ZCCHC3: variants seen among roughly 807,000 people sequenced by gnomAD.
The protein encoded by ZCCHC3 is zinc finger CCHC domain-containing protein 3.
Under a neutral mutation model 18.4 loss-of-function variants are expected in ZCCHC3, and 20 were observed. The ratio of observed to expected loss-of-function variants is 1.09; its 90% CI spans 0.76 to 1.58. The LOEUF is 1.58. Ranked by LOEUF, ZCCHC3 falls within the 40% of genes most tolerant of loss-of-function variation. The pLI, the probability that ZCCHC3 is intolerant of heterozygous loss-of-function variation, is 0.00. For missense variants in ZCCHC3, 548 were observed against 511.2 expected, an observed-to-expected ratio of 1.07 and a Z score of -0.69; for synonymous variants, 310 against 232.7, an observed-to-expected ratio of 1.33 and a Z score of -3.02.
chr20:297,657 C>A lies in ZCCHC3; in HGVS notation c.71C>A (p.Pro24His). ...CCGCAGCTTCTGCCCCCCGCGCGGC[C>A]CGCGGCCCGGGGCGAGGAGGCCGAC... ...GRPQLLPPARPAARGEEADGG... is the reference protein window; with the variant it reads ...GRPQLLPPARHAARGEEADGG... Residue 24 changes from proline (P) to histidine (H), a missense_variant, in exon 1 of 1, where the codon CCC becomes CAC. Transcript: ENST00000500893. 1 of 1,369,494 alleles carries A rather than the reference C, an allele frequency of 7.3e-7. No homozygotes were observed. Among genetic ancestry groups the A allele is most frequent in the Non-Finnish European group, 9.4e-7 (1 of 1,060,126 alleles). 84.8% of individuals were successfully genotyped at this position (1,369,494 alleles called of 1,614,324 possible). A position where few individuals can be genotyped will look rare whatever the true frequency, so the allele number is the denominator to read the frequency against.
rs751868109 is a variant in ZCCHC3 at position 297,769 on chromosome 20, G to A, written c.183G>A (p.Arg61=). The part of the protein sequence containing the change: ...KGEFREPRPP[R]REEESGGGGG... The stretch of plus-strand genomic sequence containing the variant: ...AATTCCGCGAGCCGCGGCCGCCGCG[G>A]CGGGAGGAGGAAAGCGGCGGCGGTG... The change falls in exon 1 of 1, where the codon CGG becomes CGA. Residue 61 remains arginine, a synonymous_variant. Coordinates refer to ENST00000500893, the MANE Select transcript of ZCCHC3 (RefSeq NM_033089.7). 2.9e-6 allele frequency: 4 copies of A among 1,378,830 alleles called. No homozygotes were observed. Among genetic ancestry groups the A allele is most frequent in the Non-Finnish European group, 3.8e-6 (4 of 1,061,112 alleles). 85.4% of individuals were successfully genotyped at this position (1,378,830 alleles called of 1,614,324 possible).
In ZCCHC3 at chr20:297,730, C is replaced by A; in HGVS notation, c.144C>A (p.Ala48=). The part of the protein sequence containing the change: ...MGWAQVVKNL[A]EKKGEFREPR... ...GGGCCCAGGTGGTGAAGAATCTAGCCGAGAAGAAGGGCGAATTCCGCGAGC... is the reference window on the plus strand; with the variant it reads ...GGGCCCAGGTGGTGAAGAATCTAGCAGAGAAGAAGGGCGAATTCCGCGAGC... Residue 48 remains alanine, a synonymous_variant, in exon 1 of 1, where the codon GCC becomes GCA. Coordinates refer to ENST00000500893, the MANE Select transcript of ZCCHC3 (RefSeq NM_033089.7). 1 of 1,377,014 alleles carries A rather than the reference C, an allele frequency of 7.3e-7. No individual in the cohort carries two copies. The highest frequency in any genetic ancestry group is 9.4e-7 in the Non-Finnish European group (1 of 1,060,912). 85.3% of individuals were successfully genotyped at this position (1,377,014 alleles called of 1,614,324 possible).
chr20:297,652 G>A lies in ZCCHC3; in HGVS notation c.66G>A (p.Ala22=), dbSNP rs1172832172. The change falls in exon 1 of 1, where the codon GCG becomes GCA. Residue 22 remains alanine (A), a synonymous_variant. Transcript: ENST00000500893. ...GGCGGCCGCAGCTTCTGCCCCCCGC[G>A]CGGCCCGCGGCCCGGGGCGAGGAGG... ...KRGRPQLLPP[A]RPAARGEEAD... 14 of 1,369,258 alleles carry A rather than the reference G, an allele frequency of 1.0e-5. No individual in the cohort carries two copies. Among genetic ancestry groups the A allele is most frequent in the African/African-American group, 1.5e-5 (1 of 65,068 alleles). The allele number at this position is 1,369,258 out of a possible 1,614,324, so 84.8% of individuals were successfully genotyped here. A position where few individuals can be genotyped will look rare whatever the true frequency, so the allele number is the denominator to read the frequency against.
chr20:297,718 GA>G lies in ZCCHC3; in HGVS notation c.134del (p.Lys45ArgfsTer3). On this transcript the variant is annotated frameshift_variant, in exon 1 of 1. Transcript: ENST00000500893. LOFTEE classifies it high-confidence loss of function. ...REKMGWAQVV[K>X]NLAEKKGEFR... ...AGAAGATGGGCTGGGCCCAGGTGGT[GA>G]AGAATCTAGCCGAGAAGAAGGGCGA... 1 of 1,379,812 alleles carries G rather than the reference GA, an allele frequency of 7.2e-7. No individual in the cohort carries two copies. The highest frequency in any genetic ancestry group is 1.7e-5 in the South Asian group (1 of 59,446). The allele number at this position is 1,379,812 out of a possible 1,614,324, so 85.5% of individuals were successfully genotyped here. A position where few individuals can be genotyped will look rare whatever the true frequency, so the allele number is the denominator to read the frequency against.
rs989508226 is a variant in ZCCHC3, at chr20:297,952, G to A, written c.366G>A (p.Arg122=). ...AGAAGGGCGCTGCGGAGGCGGGCAG[G>A]AGGAAGAAGGCCGAGGCGGCGGCGG... is the stretch of plus-strand genomic sequence containing the variant. ...RKKKGAAEAG[R]RKKAEAAAAA... The change falls in exon 1 of 1, where the codon AGG becomes AGA. Residue 122 remains arginine (R), a synonymous_variant. Transcript: ENST00000500893. The A allele has an allele frequency of 9.4e-5, 122 of 1,298,496 alleles. No individual in the cohort carries two copies. Among genetic ancestry groups the A allele is most frequent in the Middle Eastern group, 5.8e-4 (2 of 3,452 alleles). The allele number at this position is 1,298,496 out of a possible 1,614,324, so 80.4% of individuals were successfully genotyped here. A position where few individuals can be genotyped will look rare whatever the true frequency, so the allele number is the denominator to read the frequency against.
Position 298,190 on chromosome 20 carries a change from G to T in ZCCHC3, c.604G>T (p.Ala202Ser). Reference sequence around the variant, plus strand: ...CGGCATGGACCCGAGCGACATCTACGCGGTCATCCAGATCCCGGGCAGCCG... The same window carrying T: ...CGGCATGGACCCGAGCGACATCTACTCGGTCATCCAGATCCCGGGCAGCCG... ...SIGMDPSDIY[A>S]VIQIPGSREF... Residue 202 changes from alanine (A) to serine (S), a missense_variant, in exon 1 of 1, where the codon GCG becomes TCG. By Grantham distance (99) the Ala-to-Ser change is moderately conservative. Transcript: ENST00000500893. The T allele has an allele frequency of 7.2e-7, 1 of 1,386,940 alleles. No individual in the cohort carries two copies. 85.9% of individuals were successfully genotyped at this position (1,386,940 alleles called of 1,614,324 possible).
In ZCCHC3 at chr20:298,944, G is replaced by T; in HGVS notation, c.*146G>T. ...ATCTCTCTATGCCTTCTTAAACCGA[G>T]TTTACTCCATTTCAGCCTGTTCTGA... On this transcript the variant is annotated 3_prime_UTR_variant, in exon 1 of 1. Transcript: ENST00000500893. 65 of 750,932 alleles carry T rather than the reference G, an allele frequency of 8.7e-5. No homozygotes were observed. The highest frequency in any genetic ancestry group is 3.1e-4 in the East Asian group (8 of 25,946). 46.5% of individuals were successfully genotyped at this position (750,932 alleles called of 1,614,324 possible). A position where few individuals can be genotyped will look rare whatever the true frequency, so the allele number is the denominator to read the frequency against.
Position 299,474 on chromosome 20 carries a change from ATTTTTTATAG to A in ZCCHC3, c.*677_*686del, listed in dbSNP as rs1290931548. On this transcript the variant is annotated 3_prime_UTR_variant, in exon 1 of 1. Coordinates refer to ENST00000500893, the MANE Select transcript of ZCCHC3 (RefSeq NM_033089.7). ...CAGCTCTTTTGGTGGCTCAGAAGCC[ATTTTTTATAG>A]AATCATGGAATCTAGAATATTCCTG... 6.0e-6 allele frequency: 1 copy of A among 167,064 alleles called. No homozygotes were observed. The highest frequency in any genetic ancestry group is 1.5e-5 in the Non-Finnish European group (1 of 68,116). 10.3% of individuals were successfully genotyped at this position (167,064 alleles called of 1,614,324 possible).
In ZCCHC3 at chr20:298,570, C is replaced by A. The variant is rs751627163; in HGVS notation, c.984C>A (p.Tyr328Ter). 6.3e-6 allele frequency: 5 copies of A among 793,572 alleles called. No homozygotes were observed. The highest frequency in any genetic ancestry group is 1.4e-5 in the South Asian group (1 of 69,410). The allele number at this position is 793,572 out of a possible 1,614,324, so 49.2% of individuals were successfully genotyped here. ...GGGCCGAGAGGGGCTACAGCTGGTA[C>A]AAGGGGCAGCCCAAGACATGCTTTA... ...FLGAERGYSWYKGQPKTCFKC... is the reference protein window; with the variant it reads ...FLGAERGYSW Residue 328 changes from tyrosine to a stop codon, truncating the protein, a stop_gained, in exon 1 of 1, where the codon TAC becomes TAA. Coordinates refer to ENST00000500893, the MANE Select transcript of ZCCHC3 (RefSeq NM_033089.7). LOFTEE classifies it high-confidence loss of function.
chr20:299,769 C>G lies in ZCCHC3; in HGVS notation c.*971C>G, dbSNP rs542858627. 1 of 167,230 alleles carries G rather than the reference C, an allele frequency of 6.0e-6. No individual in the cohort carries two copies. Among genetic ancestry groups the G allele is most frequent in the Non-Finnish European group, 1.5e-5 (1 of 68,258 alleles). 10.4% of individuals were successfully genotyped at this position (167,230 alleles called of 1,614,324 possible). A position where few individuals can be genotyped will look rare whatever the true frequency, so the allele number is the denominator to read the frequency against. On this transcript the variant is annotated 3_prime_UTR_variant, in exon 1 of 1. Coordinates refer to ENST00000500893, the MANE Select transcript of ZCCHC3 (RefSeq NM_033089.7). ...GCCCAGAGGAATGCTGAGAAATCACCTGGAGGAGGGAGCAGAAAGAGAAGG... is the reference window on the plus strand; with the variant it reads ...GCCCAGAGGAATGCTGAGAAATCACGTGGAGGAGGGAGCAGAAAGAGAAGG...
In ZCCHC3 at chr20:300,012, C is replaced by T. The variant is rs1476200430; in HGVS notation, c.*1214C>T. On this transcript the variant is annotated 3_prime_UTR_variant, in exon 1 of 1. Coordinates refer to ENST00000500893, the MANE Select transcript of ZCCHC3 (RefSeq NM_033089.7). ...AAGGTTTACATTTGCACCTTAGCCT[C>T]AATAGCTACGAACCCTAGAGAAGCA... 1 of 167,092 alleles carries T rather than the reference C, an allele frequency of 6.0e-6. No individual in the cohort carries two copies. Among genetic ancestry groups the T allele is most frequent in the Non-Finnish European group, 1.5e-5 (1 of 68,118 alleles). 10.4% of individuals were successfully genotyped at this position (167,092 alleles called of 1,614,324 possible).
chr20:298,688 A>C lies in ZCCHC3; in HGVS notation c.1102A>C (p.Lys368Gln). The C allele has an allele frequency of 6.3e-7, 1 of 1,596,432 alleles. No homozygotes were observed. The highest frequency in any genetic ancestry group is 1.1e-5 in the South Asian group (1 of 90,470). Residue 368 changes from lysine to glutamine, a missense_variant, in exon 1 of 1, where the codon AAG (lysine) becomes CAG (glutamine). Physicochemically the swap from Lys to Gln is moderately conservative, Grantham distance 53. Transcript: ENST00000500893. ...GGGGCACCTGAGCCCTTACTGCCGG[A>C]AGGGCATCGTGTGCAACCTCTGTGG... is the stretch of plus-strand genomic sequence containing the variant. ...EEGHLSPYCRKGIVCNLCGKR... is the reference protein window; with the variant it reads ...EEGHLSPYCRQGIVCNLCGKR...
chr20:298,661 G>T lies in ZCCHC3; in HGVS notation c.1075G>T (p.Glu359Ter). The T allele has an allele frequency of 7.0e-7, 1 of 1,433,836 alleles. No homozygotes were observed. The highest frequency in any genetic ancestry group is 9.8e-7 in the Non-Finnish European group (1 of 1,015,588). 88.8% of individuals were successfully genotyped at this position (1,433,836 alleles called of 1,614,324 possible). Residue 359 changes from glutamate (E) to a stop codon, truncating the protein, a stop_gained, in exon 1 of 1, where the codon GAG becomes TAG. Transcript: ENST00000500893. LOFTEE classifies it high-confidence loss of function. Reference sequence around the variant, plus strand: ...GGACAGGTGCTTCAGGTGCGGGGAGGAGGGGCACCTGAGCCCTTACTGCCG... The same window carrying T: ...GGACAGGTGCTTCAGGTGCGGGGAGTAGGGGCACCTGAGCCCTTACTGCCG... ...TQDRCFRCGE[E>*]GHLSPYCRKG...
rs2012687104 is a variant in ZCCHC3, at chr20:298,551, A to AGAGGGGCTACAGCTGGTAC, written c.966_984dup (p.Lys329GlufsTer15). The AGAGGGGCTACAGCTGGTAC allele has an allele frequency of 1.3e-6, 1 of 763,918 alleles. No individual in the cohort carries two copies. Among genetic ancestry groups the AGAGGGGCTACAGCTGGTAC allele is most frequent in the African/African-American group, 1.7e-5 (1 of 58,880 alleles). 47.3% of individuals were successfully genotyped at this position (763,918 alleles called of 1,614,324 possible). On this transcript the variant is annotated frameshift_variant, in exon 1 of 1. Coordinates refer to ENST00000500893, the MANE Select transcript of ZCCHC3 (RefSeq NM_033089.7). LOFTEE classifies it high-confidence loss of function. ...CCAGGGGCCTTCTTCCTGGGGGCCG[A>AGAGGGGCTACAGCTGGTAC]GAGGGGCTACAGCTGGTACAAGGGG...
chr20:298,696 C>T lies in ZCCHC3; in HGVS notation c.1110C>T (p.Ile370=), dbSNP rs1287384449. The change falls in exon 1 of 1, where the codon ATC becomes ATT. Residue 370 remains isoleucine (I), a synonymous_variant. Transcript: ENST00000500893. ...GHLSPYCRKG[I]VCNLCGKRGH... is the part of the protein sequence containing the mutation. ...TGAGCCCTTACTGCCGGAAGGGCAT[C>T]GTGTGCAACCTCTGTGGCAAGCGAG... The T allele has an allele frequency of 6.2e-7, 1 of 1,603,668 alleles. No individual in the cohort carries two copies. The highest frequency in any genetic ancestry group is 1.3e-5 in the African/African-American group (1 of 74,718).
In ZCCHC3 at chr20:298,705, C is replaced by A. The variant is rs759250827; in HGVS notation, c.1119C>A (p.Asn373Lys). ...ACTGCCGGAAGGGCATCGTGTGCAA[C>A]CTCTGTGGCAAGCGAGGACACGCCT... ...SPYCRKGIVC[N>K]LCGKRGHAFA... Residue 373 changes from asparagine to lysine, a missense_variant, in exon 1 of 1, where the codon AAC (asparagine) becomes AAA (lysine). Asn to Lys is a moderately conservative substitution (Grantham distance 94). Transcript: ENST00000500893. 2.5e-6 allele frequency: 4 copies of A among 1,608,726 alleles called. No individual in the cohort carries two copies.
In ZCCHC3 at chr20:297,634, G is replaced by T; in HGVS notation, c.48G>T (p.Pro16=). The T allele has an allele frequency of 7.3e-7, 1 of 1,378,190 alleles. No individual in the cohort carries two copies. The highest frequency in any genetic ancestry group is 9.4e-7 in the Non-Finnish European group (1 of 1,063,626). 85.4% of individuals were successfully genotyped at this position (1,378,190 alleles called of 1,614,324 possible). Reference sequence around the variant, plus strand: ...AGGAAGAGAGGAAACGGGGGCGGCCGCAGCTTCTGCCCCCCGCGCGGCCCG... The same window carrying T: ...AGGAAGAGAGGAAACGGGGGCGGCCTCAGCTTCTGCCCCCCGCGCGGCCCG... The part of the protein sequence containing the change: ...GAEEERKRGR[P]QLLPPARPAA... Residue 16 remains proline (P), a synonymous_variant, in exon 1 of 1, where the codon CCG becomes CCT. Transcript: ENST00000500893.
chr20:297,995 G>C lies in ZCCHC3; in HGVS notation c.409G>C (p.Ala137Pro), dbSNP rs553916454. Reference sequence around the variant, plus strand: ...GGCGGCGGCCGCCATGGCGACCCCGGCCAGGCCCGGCGAGGCCGAGGACGC... The same window carrying C: ...GGCGGCGGCCGCCATGGCGACCCCGCCCAGGCCCGGCGAGGCCGAGGACGC... Reference protein sequence around the residue: ...EAAAAAMATPARPGEAEDAAE... With the variant: ...EAAAAAMATPPRPGEAEDAAE... Residue 137 changes from alanine to proline, a missense_variant, in exon 1 of 1, where the codon GCC (alanine) becomes CCC (proline). Ala to Pro is a conservative substitution (Grantham distance 27, BLOSUM62 -1). Coordinates refer to ENST00000500893, the MANE Select transcript of ZCCHC3 (RefSeq NM_033089.7). 16 of 1,348,962 alleles carry C rather than the reference G, an allele frequency of 1.2e-5. No homozygotes were observed. The African/African-American group carries it at 2.2e-4, about 18-fold the overall frequency. The allele number at this position is 1,348,962 out of a possible 1,614,324, so 83.6% of individuals were successfully genotyped here.
Position 297,949 on chromosome 20 carries a change from C to T in ZCCHC3, c.363C>T (p.Gly121=). 1.5e-6 allele frequency: 2 copies of T among 1,295,022 alleles called. No individual in the cohort carries two copies. Among genetic ancestry groups the T allele is most frequent in the Non-Finnish European group, 1.9e-6 (2 of 1,025,974 alleles). The allele number at this position is 1,295,022 out of a possible 1,614,324, so 80.2% of individuals were successfully genotyped here. The change falls in exon 1 of 1, where the codon GGC becomes GGT. Residue 121 remains glycine (G), a synonymous_variant. Transcript: ENST00000500893. Reference sequence around the variant, plus strand: ...AAAAGAAGGGCGCTGCGGAGGCGGGCAGGAGGAAGAAGGCCGAGGCGGCGG... The same window carrying T: ...AAAAGAAGGGCGCTGCGGAGGCGGGTAGGAGGAAGAAGGCCGAGGCGGCGG... The part of the protein sequence containing the change: ...PRKKKGAAEA[G]RRKKAEAAAA...
Sources: gnomAD v4.1 joint callset for allele counts on GRCh38, gnomAD v4.1.1 for gene constraint, MANE v1.5 for transcripts, NCBI Gene and HGNC (gene_info 2026-07-23, HGNC 2026-07-21) for gene names.